The following SOS2 variants were observed in gnomAD, a reference collection of about 807,000 sequenced individuals.
The protein encoded by SOS2 is SOS Ras/Rho guanine nucleotide exchange factor 2, also known as son of sevenless homolog 2.
In SOS2, 65 loss-of-function variants were observed where a neutral mutation model predicts 148.2. The ratio of observed to expected loss-of-function variants is 0.44; its 90% CI spans 0.36 to 0.54. The LOEUF is 0.54. SOS2 is among the 20% of genes least tolerant of loss of function. The probability of loss-of-function intolerance (pLI) is 0.00; values close to 1 mark genes in which losing one functional copy is unlikely to be tolerated. For synonymous variants in SOS2, 539 were observed against 537.1 expected (o/e 1.00, Z -0.05); for missense variants, 1,341 against 1,590.2 (o/e 0.84, Z 2.67).
intron 8 of SOS2, among the ~76,000 whole-genome samples, chr14:50,169,144 T>C (rs1311829764): frequency 2.0e-5 from 3 of 151,094 alleles, no homozygotes; most frequent in Non-Finnish European, 4.4e-5. Flanking sequence ...AAACCCCGTC[T>C]CTACTAAAAA....
intron 8 of SOS2, among the ~76,000 whole-genome samples, chr14:50,174,176 AT>A (rs954293554): frequency 2.8e-5 from 3 of 108,738 alleles, no homozygotes; most frequent in East Asian, 2.3e-4. Flanking sequence ...GAAGAGAGTC[AT>A]TTTTTTTAAG....
At position 50,182,354 on chromosome 14, in the gene SOS2, T is replaced by A. The variant is rs959318645; in HGVS notation, c.858+109A>T. The A allele has an allele frequency of 7.2e-6, 7 of 975,014 alleles. No homozygotes were observed. The Admixed American group carries it at 1.7e-4, about 24-fold the overall frequency. 60.4% of individuals were successfully genotyped at this position (975,014 alleles called of 1,614,324 possible). A position where few individuals can be genotyped will look rare whatever the true frequency, so the allele number is the denominator to read the frequency against. On this transcript the variant is annotated intron_variant, in intron 6 of 22. Coordinates refer to ENST00000216373, the MANE Select transcript of SOS2 (RefSeq NM_006939.4). ...CACTACCATGCCTGGATAATTATTT[T>A]ACTTTTTTATGGAAACGGGGTCTCA...
intron 5 of SOS2, among the ~76,000 whole-genome samples, chr14:50,187,584 C>T (rs192211795): frequency 1.3e-5 from 2 of 151,840 alleles, no homozygotes; most frequent in Non-Finnish European, 2.9e-5. Flanking sequence ...CTCCTGACCA[C>T]GTGATCTGCC....
intron 1 of SOS2, among the ~76,000 whole-genome samples, chr14:50,211,118 G>A (rs1886856965): frequency 6.6e-6 from 1 of 152,024 alleles, no homozygotes; most frequent in Non-Finnish European, 1.5e-5. Flanking sequence ...CCTCATGTGG[G>A]TACTGAACAC....
At chr14:50,119,708 G>T (rs956228652) in intron 22 of SOS2, among the ~76,000 whole-genome samples, 3 of 145,410 alleles carry the variant, frequency 2.1e-5, no homozygotes, top group Non-Finnish European at 3.0e-5. Flanking sequence ...GCTAATTTTT[G>T]TATTTTTAGT....
chr14:50,145,416 A>T, intron 15 of SOS2, 61 bp downstream of exon 15: 1 of 1,563,894 alleles, frequency 6.4e-7, no homozygotes, highest in Non-Finnish European at 8.6e-7. Flanking sequence ...CCAGAATTTT[A>T]GCTTAAATAT....
In SOS2 at chr14:50,120,312, G is replaced by C; in HGVS notation, c.3452C>G (p.Pro1151Arg). 6.2e-7 allele frequency: 1 copy of C among 1,605,502 alleles called. No individual in the cohort carries two copies. ...EEPLIPPPLP[P>R]RKKFDHDASN... ...AGCATCATGATCAAACTTTTTTCGAGGAGGAAGAGGAGGAGGAATCAGGGG... is the reference window on the plus strand; with the variant it reads ...AGCATCATGATCAAACTTTTTTCGACGAGGAAGAGGAGGAGGAATCAGGGG... Residue 1151 changes from proline (P) to arginine (R), a missense_variant, in exon 22 of 23, where the codon CCT becomes CGT. Pro to Arg is a moderately radical substitution (Grantham distance 103). Transcript: ENST00000216373.
chr14:50,119,949 T>C (rs1373490200), intron 22 of SOS2, among the ~76,000 whole-genome samples: 1 of 151,156 alleles, frequency 6.6e-6, no homozygotes, highest in South Asian at 2.1e-4. Context: ...GTAGCTGGAA[T>C]CACAGGCACC....
chr14:50,173,530 TC>T (rs1484902971), intron 8 of SOS2, among the ~76,000 whole-genome samples: 1 of 152,080 alleles, frequency 6.6e-6, no homozygotes, highest in African/African-American at 2.4e-5. Context: ...CACACCATTC[TC>T]CTGCCTCAGC....
chr14:50,214,091 G>A (rs553184689), intron 1 of SOS2, among the ~76,000 whole-genome samples: 1 of 120,818 alleles, frequency 8.3e-6, no homozygotes, highest in South Asian at 2.6e-4. Context: ...TGTGTTTAAG[G>A]GGGAAGTAAT....
intron 18 of SOS2, among the ~76,000 whole-genome samples, chr14:50,137,794 T>TA: frequency 6.6e-6 from 1 of 152,158 alleles, no homozygotes; most frequent in East Asian, 1.9e-4. Flanking sequence ...CTCAAGCATT[T>TA]ATCCTTTGTA....
At chr14:50,196,405 C>CT (rs930678383) in intron 4 of SOS2, among the ~76,000 whole-genome samples, 2 of 151,980 alleles carry the variant, frequency 1.3e-5, no homozygotes, top group Non-Finnish European at 1.5e-5. Flanking sequence ...AGCATTTATC[C>CT]TTTTTTTGTG....
chr14:50,220,985 C>T (rs553983540), intron 1 of SOS2, among the ~76,000 whole-genome samples: 11 of 152,184 alleles, frequency 7.2e-5, no homozygotes, highest in African/African-American at 1.4e-4. Context: ...CTTTGCAGAA[C>T]GTGAAATTTT....
chr14:50,122,274 T>C (rs966360054), intron 21 of SOS2, among the ~76,000 whole-genome samples: 1 of 151,852 alleles, frequency 6.6e-6, no homozygotes, highest in Non-Finnish European at 1.5e-5. Flanking sequence ...ATAATTTGAC[T>C]GAACAAAGAA....
At chr14:50,225,241 T>C (rs1481652141) in intron 1 of SOS2, among the ~76,000 whole-genome samples, 1 of 152,154 alleles carries the variant, frequency 6.6e-6, no homozygotes, top group Non-Finnish European at 1.5e-5. Context: ...AGGCATGAGC[T>C]ACTGCACCTG....
At chr14:50,154,401 G>T (rs964692936) in intron 12 of SOS2, among the ~76,000 whole-genome samples, 1 of 152,182 alleles carries the variant, frequency 6.6e-6, no homozygotes, top group African/African-American at 2.4e-5. Flanking sequence ...TTGTTGGTGA[G>T]AATGTTTTGG....
Position 50,118,444 on chromosome 14 carries a change from G to C in SOS2, c.3899C>G (p.Pro1300Arg), listed in dbSNP as rs1302226100. 6.2e-7 allele frequency: 1 copy of C among 1,614,146 alleles called. No homozygotes were observed. Among genetic ancestry groups the C allele is most frequent in the South Asian group, 1.1e-5 (1 of 91,080 alleles). Reference protein sequence around the residue: ...PPVPPRQNSSPHLPKLPPKTY... With the variant: ...PPVPPRQNSSRHLPKLPPKTY... ...CTTTGGTGGCAGTTTTGGCAGATGAGGGCTTGAATTCTGCCTTGGTGGAAC... is the reference window on the plus strand; with the variant it reads ...CTTTGGTGGCAGTTTTGGCAGATGACGGCTTGAATTCTGCCTTGGTGGAAC... The change falls in exon 23 of 23, where the codon CCT becomes CGT. Residue 1300 changes from proline (P) to arginine (R), a missense_variant. By Grantham distance (103) the Pro-to-Arg change is moderately radical (BLOSUM62 -2). This residue lies in a region of SOS2 where 354 missense variants were observed against 347.7 expected (regional missense o/e 1.02). Transcript: ENST00000216373.
At chr14:50,156,257 T>TGTACACACACACACACACAC (rs1555369885) in intron 12 of SOS2, 70 of 148,740 alleles carry the variant, frequency 4.7e-4, no homozygotes, top group African/African-American at 1.7e-3. Flanking sequence ...TAGTGGTACG[T>TGTACACACACACACACACAC]ACACACACAC....
chr14:50,185,938 G>T (rs1885894936), intron 5 of SOS2, among the ~76,000 whole-genome samples: 4 of 152,030 alleles, frequency 2.6e-5, no homozygotes, highest in African/African-American at 7.2e-5. Context: ...TAAGTAATTT[G>T]CCCGTTATCA....
Sources: gnomAD v4.1 joint callset for allele counts (sites outside exome capture counted in the v4.1 genomes callset) on GRCh38, gnomAD v4.1.1 for gene constraint, gnomAD v4.1.1 regional missense constraint, MANE v1.5 for transcripts, NCBI Gene and HGNC (gene_info 2026-07-23, HGNC 2026-07-21) for gene names.